Variants in RBFOX1 observed in about 807,000 individuals in gnomAD.
RBFOX1 encodes the protein RNA binding fox-1 homolog 1, also known as RNA binding protein fox-1 homolog 1.
In RBFOX1, 8 loss-of-function variants were observed where a neutral mutation model predicts 57.7. The ratio of observed to expected loss-of-function variants is 0.14; its 90% CI spans 0.08 to 0.25. The LOEUF (loss-of-function observed/expected upper bound fraction) is 0.25, where lower values mean the gene tolerates loss of function less well. Among genes scored for constraint, RBFOX1 ranks in the 10% least tolerant of loss-of-function variants. The pLI is 1.00. For missense variants in RBFOX1, 611 were observed against 548.5 expected, an observed-to-expected ratio of 1.11 and a Z score of -1.14; for synonymous variants, 326 against 222.4, an observed-to-expected ratio of 1.47 and a Z score of -4.15.
At chr16:7,696,024 C>G (rs897049163) in intron 14 of RBFOX1, among the ~76,000 whole-genome samples, 4 of 152,178 alleles carry the variant, frequency 2.6e-5, no homozygotes, top group Non-Finnish European at 5.9e-5. Context: ...AGGATTTGTT[C>G]TTCACGTTTC....
Position 7,530,713 on chromosome 16 carries a change from T to C in RBFOX1, c.270+12324T>C, listed in dbSNP as rs551424323. Among the ~76,000 whole-genome samples, 215 of 152,316 alleles carry C rather than the reference T, an allele frequency of 1.4e-3. 1 individual carries two copies. The highest frequency in any genetic ancestry group is 4.9e-3 in the African/African-American group (203 of 41,562). On this transcript the variant is annotated intron_variant, in intron 5 of 15. Transcript: ENST00000550418. The stretch of plus-strand genomic sequence containing the variant: ...TGGAGCCTGCCAAATTGTCAAATTA[T>C]AGCATTTGATGTAGAGCTAGGTCCA...
chr16:6,188,248 C>T (rs9929207), intron 1 of RBFOX1, among the ~76,000 whole-genome samples: 14,472 of 152,032 alleles, frequency 0.095, 856 homozygotes, highest in East Asian at 0.23. Flanking sequence ...TCTACCCACA[C>T]ATTAACTAGT....
intron 4 of RBFOX1, among the ~76,000 whole-genome samples, chr16:7,257,604 G>T (rs1057148009): frequency 5.3e-5 from 8 of 152,082 alleles, no homozygotes; most frequent in Non-Finnish European, 1.2e-4. Flanking sequence ...CCTACCAAGA[G>T]CCCCTTCCCG....
intron 4 of RBFOX1, among the ~76,000 whole-genome samples, chr16:7,391,350 G>A (rs575818789): frequency 9.2e-5 from 14 of 152,218 alleles, no homozygotes; most frequent in South Asian, 4.1e-4. Context: ...AAGAAGTTTC[G>A]CGTCCCAAGA....
chr16:6,621,886 G>A (rs2098238061), intron 2 of RBFOX1, among the ~76,000 whole-genome samples: 1 of 152,110 alleles, frequency 6.6e-6, no homozygotes, highest in African/African-American at 2.4e-5. Flanking sequence ...AGTGTGTTAA[G>A]TGGATGACAT....
At chr16:7,027,347 G>A (rs1362474821) in intron 3 of RBFOX1, among the ~76,000 whole-genome samples, 3 of 152,078 alleles carry the variant, frequency 2.0e-5, no homozygotes, top group Non-Finnish European at 2.9e-5. Flanking sequence ...TCTGTGCCAG[G>A]AACTGCTTAA....
chr16:7,460,366 G>T (rs1468906671), intron 4 of RBFOX1, among the ~76,000 whole-genome samples: 1 of 49,626 alleles, frequency 2.0e-5, no homozygotes, highest in African/African-American at 1.4e-4. Context: ...TAATCATTTA[G>T]CAAAATATAT....
At chr16:5,751,806 T>G (rs2151621188) in intron 3 of RBFOX1, among the ~76,000 whole-genome samples, 1 of 152,340 alleles carries the variant, frequency 6.6e-6, no homozygotes, top group Middle Eastern at 3.4e-3. Context: ...ATTTTAATGG[T>G]TTTTTATTCC....
intron 1 of RBFOX1, among the ~76,000 whole-genome samples, chr16:6,065,702 C>T (rs1188404590): frequency 6.6e-6 from 1 of 152,162 alleles, no homozygotes; most frequent in African/African-American, 2.4e-5. Context: ...TTGAATTCTG[C>T]CCCTTCCTCT....
intron 4 of RBFOX1, among the ~76,000 whole-genome samples, chr16:7,447,939 C>G (rs916186649): frequency 1.3e-5 from 2 of 152,174 alleles, no homozygotes; most frequent in Admixed American, 1.3e-4. Context: ...TATGTACATT[C>G]CTAGGTCCCT....
At chr16:6,473,776 C>G (rs2095229224) in intron 2 of RBFOX1, among the ~76,000 whole-genome samples, 1 of 152,108 alleles carries the variant, frequency 6.6e-6, no homozygotes, top group African/African-American at 2.4e-5. Flanking sequence ...TGGCTAGAGG[C>G]TGTTTGCGTG....
chr16:6,156,536 C>G (rs2096839614), intron 1 of RBFOX1, among the ~76,000 whole-genome samples: 1 of 152,200 alleles, frequency 6.6e-6, no homozygotes, highest in Admixed American at 6.5e-5. Context: ...TGCTTATTTT[C>G]TTTCTTTTGG....
chr16:5,659,013 G>C (rs1209297283), intron 3 of RBFOX1, among the ~76,000 whole-genome samples: 1 of 151,828 alleles, frequency 6.6e-6, no homozygotes, highest in Non-Finnish European at 1.5e-5. Context: ...CATAACCTTG[G>C]TAGATACCCA....
intron 4 of RBFOX1, among the ~76,000 whole-genome samples, chr16:7,254,552 C>G (rs938448886): frequency 2.2e-4 from 33 of 151,870 alleles, no homozygotes; most frequent in African/African-American, 7.5e-4. Flanking sequence ...ATTTCTCTAA[C>G]TGTACCAACT....
intron 4 of RBFOX1, among the ~76,000 whole-genome samples, chr16:7,164,617 T>A (rs929966141): frequency 2.6e-5 from 4 of 152,222 alleles, no homozygotes; most frequent in Non-Finnish European, 5.9e-5. Flanking sequence ...TAATAACGTG[T>A]AATTTCTTTT....
intron 3 of RBFOX1, among the ~76,000 whole-genome samples, chr16:6,673,312 G>A (rs1383131083): frequency 6.6e-6 from 1 of 152,168 alleles, no homozygotes; most frequent in Non-Finnish European, 1.5e-5. Context: ...TTGAGGCCAG[G>A]CGTGGTGGCT....
intron 1 of RBFOX1, among the ~76,000 whole-genome samples, chr16:6,240,282 CA>C (rs1438882774): frequency 6.6e-6 from 1 of 152,108 alleles, no homozygotes; most frequent in Non-Finnish European, 1.5e-5. Context: ...TATAGCAGTG[CA>C]AGAGTGGCCT....
intron 3 of RBFOX1, among the ~76,000 whole-genome samples, chr16:6,699,034 G>T (rs1000419651): frequency 9.9e-5 from 15 of 152,160 alleles, no homozygotes; most frequent in African/African-American, 3.6e-4. Context: ...TACTAAAAAT[G>T]GGTGTTTCTG....
intron 4 of RBFOX1, among the ~76,000 whole-genome samples, chr16:7,243,864 C>G (rs1033759114): frequency 3.3e-5 from 5 of 152,028 alleles, no homozygotes; most frequent in African/African-American, 4.8e-5. Context: ...ATTCTTTGTT[C>G]TTAATGATTA....
Sources: gnomAD v4.1 joint callset for allele counts (sites outside exome capture counted in the v4.1 genomes callset) on GRCh38, gnomAD v4.1.1 for gene constraint, MANE v1.5 for transcripts, NCBI Gene and HGNC (gene_info 2026-07-23, HGNC 2026-07-21) for gene names.